MID1: variants seen among roughly 807,000 people sequenced by gnomAD.
MID1 encodes E3 ubiquitin-protein ligase Midline-1.
Under a neutral mutation model 40.4 loss-of-function variants are expected in MID1, and 7 were observed. The observed-to-expected ratio is 0.17, with a 90% CI of 0.10 to 0.33. The LOEUF is 0.33. Among genes scored for constraint, MID1 ranks in the 10% least tolerant of loss-of-function variants. MID1 has a pLI of 1.00. For synonymous variants in MID1, 229 were observed against 221.2 expected (o/e 1.04, Z -0.31); for missense variants, 367 against 558.5 (o/e 0.66, Z 3.46).
chrX:10,796,426 A>T (rs1237766993), intron 1 of MID1, among the ~76,000 whole-genome samples: 14 of 87,039 alleles, frequency 1.6e-4, no homozygotes, highest in African/African-American at 3.9e-4. Context: ...TTTTTTTTTC[A>T]GTTTTTTTTT....
chrX:10,803,327 T>G (rs1203615517), intron 1 of MID1, among the ~76,000 whole-genome samples: 1 of 109,544 alleles, frequency 9.1e-6, no homozygotes, highest in Non-Finnish European at 1.9e-5. Context: ...GCTTCATACA[T>G]AATAAATAGC....
Position 10,459,650 on chromosome X carries a change from T to G in MID1, c.1443A>C (p.Thr481=), listed in dbSNP as rs767910416. Residue 481 remains threonine, a synonymous_variant, in exon 8 of 10, where the codon ACA becomes ACC. Coordinates refer to ENST00000317552, the MANE Select transcript of MID1 (RefSeq NM_000381.4). ...TGTTGAGTTCACAGCACTTACTGTT[T>G]GTCTTCAACTTCCCAGGCTCACTGC... ...SRSSEPGKLK[T]NSQPFKLDPK... is the part of the protein sequence containing the mutation. 9.3e-5 allele frequency: 112 copies of G among 1,209,543 alleles called. No homozygotes were observed. Among genetic ancestry groups the G allele is most frequent in the Non-Finnish European group, 1.2e-4 (109 of 895,137 alleles).
In MID1 at chrX:10,506,475, G is replaced by A. The variant is rs1382604207; in HGVS notation, c.757-10784C>T. 10 of 536,908 alleles carry A rather than the reference G, an allele frequency of 1.9e-5. No individual in the cohort carries two copies. The highest frequency in any genetic ancestry group is 2.6e-5 in the Non-Finnish European group (8 of 308,780). 44.2% of individuals were successfully genotyped at this position (536,908 alleles called of 1,213,427 possible). On this transcript the variant is annotated intron_variant, in intron 3 of 9. Transcript: ENST00000317552. The stretch of plus-strand genomic sequence containing the variant: ...TTGGGCAACTCTGGGAAACAGTACA[G>A]AACATTCCAGCTAATAGGGAAGAAG...
chrX:10,618,125 G>A (rs1935870859), intron 1 of MID1, among the ~76,000 whole-genome samples: 1 of 111,982 alleles, frequency 8.9e-6, no homozygotes, highest in East Asian at 2.8e-4. Flanking sequence ...GTCTCTTCTG[G>A]GCTGCCACAC....
chrX:10,719,535 A>G, intron 1 of MID1, among the ~76,000 whole-genome samples: 1 of 111,370 alleles, frequency 9.0e-6, no homozygotes, highest in Middle Eastern at 4.7e-3. Context: ...CCACTGCTCA[A>G]TGAAATAAAA....
chrX:10,696,292 A>T (rs1271001259), intron 1 of MID1, among the ~76,000 whole-genome samples: 2 of 111,942 alleles, frequency 1.8e-5, no homozygotes, highest in Non-Finnish European at 3.8e-5. Flanking sequence ...TGCATGCAGC[A>T]ACTCCCAAAT....
chrX:10,586,139 C>G (rs1003803653), intron 1 of MID1, among the ~76,000 whole-genome samples: 3 of 111,447 alleles, frequency 2.7e-5, no homozygotes, highest in Admixed American at 1.9e-4. Context: ...TTCCAGTACA[C>G]TTATAATAAC....
chrX:10,493,207 G>A (rs1244218408), intron 4 of MID1, among the ~76,000 whole-genome samples: 1 of 111,999 alleles, frequency 8.9e-6, no homozygotes, highest in Admixed American at 9.5e-5. Context: ...CACAAGGGTC[G>A]TTATAAGAGA....
At chrX:10,584,299 C>T (rs989450029) in intron 1 of MID1, among the ~76,000 whole-genome samples, 4 of 112,470 alleles carry the variant, frequency 3.6e-5, no homozygotes, top group Admixed American at 1.9e-4. Flanking sequence ...CACATTCAAA[C>T]CATAGCATAT....
Position 10,826,484 on chromosome X carries a change from T to C in MID1, c.-187+7070A>G, listed in dbSNP as rs150898488. 7.5e-3 allele frequency among the ~76,000 whole-genome samples: 838 copies of C among 112,143 alleles called. 6 individuals are homozygous for C. Among genetic ancestry groups the C allele is most frequent in the African/African-American group, 0.026 (807 of 30,881 alleles). On this transcript the variant is annotated intron_variant, in intron 1 of 10. Coordinates refer to the MID1 transcript ENST00000380785. ...CGCGATTACTTTTGCAACAACCTAA[T>C]ATTTTCCAGGTTGCTGCCAATGTGA... is the stretch of plus-strand genomic sequence containing the variant.
At chrX:10,608,299 C>T (rs1935662177) in intron 1 of MID1, among the ~76,000 whole-genome samples, 1 of 112,304 alleles carries the variant, frequency 8.9e-6, no homozygotes, top group Non-Finnish European at 1.9e-5. Flanking sequence ...CAAAATCCTA[C>T]ACACAAATGC....
chrX:10,807,500 T>C (rs2044056451), intron 1 of MID1, among the ~76,000 whole-genome samples: 1 of 111,488 alleles, frequency 9.0e-6, no homozygotes. Flanking sequence ...ACTTCCAAGA[T>C]CACTCAGGTT....
At chrX:10,829,411 TCA>T (rs2044237988) in intron 1 of MID1, among the ~76,000 whole-genome samples, 1 of 112,004 alleles carries the variant, frequency 8.9e-6, no homozygotes, top group African/African-American at 3.2e-5. Flanking sequence ...TATACTCAAC[TCA>T]CACACAGTTA....
chrX:10,617,858 C>T (rs1602474721), intron 1 of MID1, among the ~76,000 whole-genome samples: 1 of 112,218 alleles, frequency 8.9e-6, no homozygotes, highest in Non-Finnish European at 1.9e-5. Context: ...GACAGGTTGG[C>T]ACATATTTTA....
intron 2 of MID1, among the ~76,000 whole-genome samples, chrX:10,528,338 G>A (rs1300905964): frequency 9.0e-6 from 1 of 111,582 alleles, no homozygotes; most frequent in Non-Finnish European, 1.9e-5. Flanking sequence ...TAAGTCTTTG[G>A]AATCTGATAT....
At chrX:10,818,666 T>A (rs1472422560) in intron 1 of MID1, among the ~76,000 whole-genome samples, 1 of 111,818 alleles carries the variant, frequency 8.9e-6, no homozygotes, top group African/African-American at 3.3e-5. Context: ...TCCTTCAGAG[T>A]GACAGTTCCA....
At chrX:10,558,675 T>A (rs1292860095) in intron 2 of MID1, among the ~76,000 whole-genome samples, 1 of 113,157 alleles carries the variant, frequency 8.8e-6, no homozygotes, top group Non-Finnish European at 1.9e-5. Flanking sequence ...CGTTCTGACA[T>A]GTGTTGCAGG....
chrX:10,452,827 A>C (rs1928428890), intron 9 of MID1, among the ~76,000 whole-genome samples: 1 of 111,807 alleles, frequency 8.9e-6, no homozygotes, highest in Non-Finnish European at 1.9e-5. Flanking sequence ...ATGTGTGTTT[A>C]TATAACTGAA....
intron 1 of MID1, among the ~76,000 whole-genome samples, chrX:10,706,612 G>A (rs1488080950): frequency 9.0e-6 from 1 of 111,216 alleles, no homozygotes; most frequent in Non-Finnish European, 1.9e-5. Flanking sequence ...ATGATTGTAA[G>A]TTTCCTCAGG....
Sources: allele counts gnomAD v4.1 joint callset (sites outside exome capture counted in the v4.1 genomes callset), GRCh38; gene constraint gnomAD v4.1.1; transcripts MANE v1.5; gene names NCBI Gene and HGNC (gene_info 2026-07-23, HGNC 2026-07-21).